Variants in PIP4K2A observed in about 807,000 individuals in gnomAD.
PIP4K2A encodes phosphatidylinositol 5-phosphate 4-kinase type-2 alpha.
PIP4K2A carries 14 observed loss-of-function variants against 42.9 expected under a neutral mutation model. The observed-to-expected ratio is 0.33, with a 90% CI of 0.22 to 0.51. The LOEUF is 0.51. Among genes scored for constraint, PIP4K2A ranks in the 20% least tolerant of loss-of-function variants. The probability of loss-of-function intolerance (pLI) is 0.97; values close to 1 mark genes in which losing one functional copy is unlikely to be tolerated. For synonymous variants in PIP4K2A, 192 were observed against 192.2 expected (o/e 1.00, Z 0.01); for missense variants, 434 against 519.8 (o/e 0.83, Z 1.61).
intron 5 of PIP4K2A, among the ~76,000 whole-genome samples, chr10:22,571,053 G>A (rs545972109): frequency 5.3e-5 from 8 of 152,248 alleles, no homozygotes; most frequent in South Asian, 4.1e-4. Context: ...AGGAGTACAC[G>A]TCTTTTCAAT....
chr10:22,601,947 C>CT lies in PIP4K2A; in HGVS notation c.339+5979dup, dbSNP rs567599972. Among the ~76,000 whole-genome samples, 54 of 152,304 alleles carry CT rather than the reference C, an allele frequency of 3.5e-4. 1 individual carries two copies. In the South Asian group the frequency reaches 0.011, roughly 31 times the overall value. On this transcript the variant is annotated intron_variant, in intron 3 of 9. Coordinates refer to ENST00000376573, the MANE Select transcript of PIP4K2A (RefSeq NM_005028.5). ...TGTCCTTTGCCACTGGCCACTGAAC[C>CT]TGTGGGTTTACTTCTCTCAATGTCT...
intron 7 of PIP4K2A, among the ~76,000 whole-genome samples, chr10:22,543,428 G>A (rs1181970231): frequency 6.6e-6 from 1 of 152,186 alleles, no homozygotes; most frequent in African/African-American, 2.4e-5. Context: ...AAATATTTAA[G>A]CAAAGTGGGA....
intron 1 of PIP4K2A, among the ~76,000 whole-genome samples, chr10:22,680,994 T>G (rs940254496): frequency 6.6e-6 from 1 of 152,186 alleles, no homozygotes; most frequent in Admixed American, 6.5e-5. Flanking sequence ...GACTAGGGTT[T>G]GGAAGATGCA....
intron 1 of PIP4K2A, among the ~76,000 whole-genome samples, chr10:22,666,529 C>A (rs1839356193): frequency 6.6e-6 from 1 of 152,138 alleles, no homozygotes; most frequent in Non-Finnish European, 1.5e-5. Flanking sequence ...TTAAGTAGAA[C>A]CAAGGAACAG....
chr10:22,630,829 C>T (rs1345712776), intron 1 of PIP4K2A, among the ~76,000 whole-genome samples: 1 of 152,212 alleles, frequency 6.6e-6, no homozygotes, highest in Admixed American at 6.5e-5. Flanking sequence ...CTATCAATTA[C>T]TACAACATAC....
intron 1 of PIP4K2A, among the ~76,000 whole-genome samples, chr10:22,686,210 G>A (rs1839761872): frequency 6.6e-6 from 1 of 152,100 alleles, no homozygotes; most frequent in Non-Finnish European, 1.5e-5. Flanking sequence ...AAAGGCAGTT[G>A]GCCAAATCCT....
At chr10:22,701,241 G>A (rs759976591) in intron 1 of PIP4K2A, among the ~76,000 whole-genome samples, 3 of 152,220 alleles carry the variant, frequency 2.0e-5, no homozygotes, top group Non-Finnish European at 4.4e-5. Context: ...ATGTAATGGA[G>A]AGTGTGAATG....
chr10:22,602,063 T>C (rs539365034), intron 3 of PIP4K2A, among the ~76,000 whole-genome samples: 1 of 152,316 alleles, frequency 6.6e-6, no homozygotes, highest in South Asian at 2.1e-4. Flanking sequence ...CTCCCTTCTA[T>C]GCATTCTATA....
intron 1 of PIP4K2A, among the ~76,000 whole-genome samples, chr10:22,654,790 A>G (rs560794565): frequency 4.6e-5 from 7 of 152,318 alleles, no homozygotes; most frequent in Non-Finnish European, 7.4e-5. Context: ...TCATCCAGCT[A>G]TATCTCAAGG....
chr10:22,698,575 TA>T (rs1840013969), intron 1 of PIP4K2A, among the ~76,000 whole-genome samples: 1 of 152,244 alleles, frequency 6.6e-6, no homozygotes, highest in South Asian at 2.1e-4. Flanking sequence ...TAAACTTCAT[TA>T]AACTATTTAG....
chr10:22,660,771 A>G (rs1208414839), intron 1 of PIP4K2A, among the ~76,000 whole-genome samples: 1 of 152,150 alleles, frequency 6.6e-6, no homozygotes, highest in Non-Finnish European at 1.5e-5. Context: ...TAAATAATCA[A>G]TACACCATAC....
intron 4 of PIP4K2A, among the ~76,000 whole-genome samples, chr10:22,582,891 TAAAAAAAA>T (rs57477195): frequency 2.5e-5 from 3 of 118,682 alleles, no homozygotes; most frequent in African/African-American, 6.2e-5. Context: ...CGTCTTGAAG[TAAAAAAAA>T]AAAAAAAAAA....
In PIP4K2A at chr10:22,595,705, C is replaced by T. The variant is rs147253354; in HGVS notation, c.340-3924G>A. Among the ~76,000 whole-genome samples, 220 of 150,480 alleles carry T rather than the reference C, an allele frequency of 1.5e-3. 1 individual carries two copies. Among genetic ancestry groups the T allele is most frequent in the Middle Eastern group, 0.014 (4 of 288 alleles). On this transcript the variant is annotated intron_variant, in intron 3 of 9. Transcript: ENST00000376573. ...CTGGGAGGCAGAGATTGCAATGAGC[C>T]GAGATCACACCACCGCACTCCAACC...
chr10:22,541,091 G>A (rs567887683), intron 8 of PIP4K2A, among the ~76,000 whole-genome samples: 33 of 152,140 alleles, frequency 2.2e-4, no homozygotes, highest in Non-Finnish European at 3.8e-4. Flanking sequence ...GTATTGTCAC[G>A]GATAAGTTGC....
At chr10:22,680,058 A>G (rs1031105905) in intron 1 of PIP4K2A, among the ~76,000 whole-genome samples, 1 of 150,454 alleles carries the variant, frequency 6.6e-6, no homozygotes, top group African/African-American at 2.5e-5. Flanking sequence ...ACTTTATATC[A>G]TATGTGAATT....
chr10:22,618,205 C>T (rs1342029321), intron 1 of PIP4K2A, among the ~76,000 whole-genome samples: 1 of 152,192 alleles, frequency 6.6e-6, no homozygotes, highest in Non-Finnish European at 1.5e-5. Context: ...TCTCTTTCCC[C>T]ACATCCCTTC....
rs777424068 is a variant in PIP4K2A, at chr10:22,633,439, AC to A, written c.145-23723del. The stretch of plus-strand genomic sequence containing the variant: ...TCTGCTCTTTTTATTTTACCCACTT[AC>A]CCACAGTAAAAATACCTTCATGGAA... On this transcript the variant is annotated intron_variant, in intron 1 of 9. Transcript: ENST00000376573. 3.3e-5 allele frequency among the ~76,000 whole-genome samples: 5 copies of A among 152,172 alleles called. No homozygotes were observed. In the South Asian group the frequency reaches 6.2e-4, roughly 19 times the overall value.
rs1255912546 is a variant in PIP4K2A, at chr10:22,536,948, C to T, written c.*253G>A. The T allele has an allele frequency of 5.0e-6, 2 of 400,780 alleles. No individual in the cohort carries two copies. The highest frequency in any genetic ancestry group is 5.3e-5 in the African/African-American group (1 of 18,698). 24.8% of individuals were successfully genotyped at this position (400,780 alleles called of 1,614,324 possible). On this transcript the variant is annotated 3_prime_UTR_variant, in exon 10 of 10. Transcript: ENST00000376573. Reference sequence around the variant, plus strand: ...ATGACTTTTAAAATGCACACGCGCGCACACACTCACCCCCCCCCAACACAC... The same window carrying T: ...ATGACTTTTAAAATGCACACGCGCGTACACACTCACCCCCCCCCAACACAC...
intron 5 of PIP4K2A, among the ~76,000 whole-genome samples, chr10:22,572,702 C>T (rs1180664823): frequency 6.6e-6 from 1 of 152,188 alleles, no homozygotes; most frequent in African/African-American, 2.4e-5. Context: ...ACATTCTCCC[C>T]TGAATTGGTG....
Sources: gnomAD v4.1 joint callset for allele counts (sites outside exome capture counted in the v4.1 genomes callset) on GRCh38, gnomAD v4.1.1 for gene constraint, MANE v1.5 for transcripts, NCBI Gene and HGNC (gene_info 2026-07-23, HGNC 2026-07-21) for gene names.